RYK: variants seen among roughly 807,000 people sequenced by gnomAD.
RYK encodes inactive tyrosine-protein kinase RYK.
In RYK, 21 loss-of-function variants were observed where a neutral mutation model predicts 70.2. The ratio of observed to expected loss-of-function variants is 0.30; its 90% CI spans 0.21 to 0.43. The LOEUF (loss-of-function observed/expected upper bound fraction) is 0.43. Among genes scored for constraint, RYK ranks in the 20% least tolerant of loss-of-function variants. The pLI is 1.00. For missense variants in RYK, 604 were observed against 753.3 expected, an observed-to-expected ratio of 0.80 and a Z score of 2.32; for synonymous variants, 267 against 278.0, an observed-to-expected ratio of 0.96 and a Z score of 0.39.
chr3:134,218,835 C>CT (rs1553772975), intron 2 of RYK, among the ~76,000 whole-genome samples: 1 of 152,090 alleles, frequency 6.6e-6, no homozygotes, highest in Non-Finnish European at 1.5e-5. Context: ...AAGGCCCAAA[C>CT]TAAGTGTGAG....
At chr3:134,242,024 G>A (rs963586339) in intron 1 of RYK, among the ~76,000 whole-genome samples, 6 of 152,064 alleles carry the variant, frequency 3.9e-5, no homozygotes, top group Non-Finnish European at 8.8e-5. Context: ...GAATGAGGCC[G>A]GGCAAGGTGG....
chr3:134,211,852 G>A (rs887628714), intron 2 of RYK, among the ~76,000 whole-genome samples: 1 of 152,182 alleles, frequency 6.6e-6, no homozygotes. Flanking sequence ...CATAAAACCT[G>A]CCATCTAGGG....
chr3:134,221,196 C>CTTTTTTTTTT lies in RYK; in HGVS notation c.354+1212_354+1221dup, dbSNP rs71139519. Among the ~76,000 whole-genome samples, 60 of 78,588 alleles carry CTTTTTTTTTT rather than the reference C, an allele frequency of 7.6e-4. 6 individuals are homozygous for CTTTTTTTTTT. The highest frequency in any genetic ancestry group is 2.4e-3 in the African/African-American group (43 of 17,914). The allele number at this position is 78,588 out of a possible 152,430, so 51.6% of individuals were successfully genotyped here. Reference sequence around the variant, plus strand: ...CTACAAAGTCTTAACAGTTCTTTTTCTTTTTTTTTTTTTTTTTTTTTTTTT... The same window carrying CTTTTTTTTTT: ...CTACAAAGTCTTAACAGTTCTTTTTCTTTTTTTTTTTTTTTTTTTTTTTTTTTTTTTTTTT... On this transcript the variant is annotated intron_variant, in intron 2 of 14. Coordinates refer to ENST00000623711, the MANE Select transcript of RYK (RefSeq NM_002958.4).
intron 1 of RYK, among the ~76,000 whole-genome samples, chr3:134,236,679 G>A (rs556074471): frequency 1.3e-5 from 2 of 152,246 alleles, no homozygotes; most frequent in South Asian, 2.1e-4. Flanking sequence ...AGATCACCAC[G>A]AAGCTACTTT....
intron 13 of RYK, among the ~76,000 whole-genome samples, chr3:134,164,908 A>G (rs79010676): frequency 6.6e-6 from 1 of 152,204 alleles, no homozygotes; most frequent in Non-Finnish European, 1.5e-5. Context: ...GTATGGTCAG[A>G]CTTTTCAATT....
chr3:134,169,045 A>G (rs2012798043), intron 13 of RYK, among the ~76,000 whole-genome samples: 2 of 152,182 alleles, frequency 1.3e-5, no homozygotes, highest in Non-Finnish European at 2.9e-5. Context: ...GATAGTCACA[A>G]AATAAATAAT....
chr3:134,226,350 A>T (rs1356186103), intron 1 of RYK, among the ~76,000 whole-genome samples: 1 of 152,206 alleles, frequency 6.6e-6, no homozygotes, highest in African/African-American at 2.4e-5. Flanking sequence ...AAAAATTTCA[A>T]TTAAAAACCT....
intron 6 of RYK, among the ~76,000 whole-genome samples, chr3:134,201,529 G>GAGAGAC (rs779231178): frequency 3.3e-5 from 5 of 152,282 alleles, no homozygotes; most frequent in African/African-American, 1.2e-4. Context: ...ACGAGAGAGA[G>GAGAGAC]AGAGACAGAG....
intron 6 of RYK, among the ~76,000 whole-genome samples, chr3:134,202,174 T>C (rs932803037): frequency 2.0e-5 from 3 of 152,198 alleles, no homozygotes; most frequent in Non-Finnish European, 4.4e-5. Flanking sequence ...GGCTGTACAT[T>C]AGAATCATCC....
intron 8 of RYK, among the ~76,000 whole-genome samples, chr3:134,190,587 T>G (rs1046625498): frequency 6.6e-6 from 1 of 152,222 alleles, no homozygotes; most frequent in Non-Finnish European, 1.5e-5. Flanking sequence ...ACTATTGTTT[T>G]CTTTGCATTT....
At chr3:134,158,318 C>G in intron 14 of RYK, 54 bp from the exon 15 acceptor site, 5 of 1,192,754 alleles carry the variant, frequency 4.2e-6, no homozygotes, top group Non-Finnish European at 5.8e-6. Context: ...GTATTCATAA[C>G]TTTTGCTCAG....
chr3:134,163,336 T>G (rs2012545386), intron 13 of RYK, among the ~76,000 whole-genome samples: 2 of 152,218 alleles, frequency 1.3e-5, no homozygotes, highest in African/African-American at 4.8e-5. Context: ...CATTTAAAAT[T>G]TAGACAGACT....
intron 8 of RYK, among the ~76,000 whole-genome samples, chr3:134,191,252 G>A (rs1412002515): frequency 1.3e-5 from 2 of 152,322 alleles, no homozygotes; most frequent in Non-Finnish European, 1.5e-5. Flanking sequence ...AAGGCCCAGT[G>A]AGAGGTGAAG....
chr3:134,170,491 C>T (rs903316903), intron 13 of RYK: 3 of 152,760 alleles, frequency 2.0e-5, no homozygotes, highest in Non-Finnish European at 2.9e-5. Flanking sequence ...GTCAGGGTGG[C>T]TAAAAGCTAC....
At chr3:134,213,530 G>C (rs953661429) in intron 2 of RYK, among the ~76,000 whole-genome samples, 1 of 147,070 alleles carries the variant, frequency 6.8e-6, no homozygotes, top group Non-Finnish European at 1.5e-5. Context: ...GGTCTGTCAA[G>C]AACACTGTTG....
intron 1 of RYK, among the ~76,000 whole-genome samples, chr3:134,244,877 G>A (rs2015415672): frequency 6.6e-6 from 1 of 152,206 alleles, no homozygotes; most frequent in South Asian, 2.1e-4. Context: ...CAGTCCTCAT[G>A]AATGGGATTA....
intron 1 of RYK, among the ~76,000 whole-genome samples, chr3:134,248,831 T>G (rs2015536802): frequency 6.6e-6 from 1 of 152,068 alleles, no homozygotes; most frequent in Non-Finnish European, 1.5e-5. Flanking sequence ...TTGAGCAAGT[T>G]ACTTTAAAAC....
At chr3:134,200,729 T>C (rs868423053) in intron 6 of RYK, among the ~76,000 whole-genome samples, 2 of 152,164 alleles carry the variant, frequency 1.3e-5, no homozygotes, top group South Asian at 4.1e-4. Flanking sequence ...TATAACTTAA[T>C]CCATGTAGCC....
chr3:134,246,517 G>C (rs934304065), intron 1 of RYK, among the ~76,000 whole-genome samples: 6 of 151,830 alleles, frequency 4.0e-5, no homozygotes, highest in African/African-American at 1.5e-4. Flanking sequence ...ACTTCAGAAT[G>C]CCAGAGAAAA....
Sources: allele counts gnomAD v4.1 joint callset (sites outside exome capture counted in the v4.1 genomes callset), GRCh38; gene constraint gnomAD v4.1.1; transcripts MANE v1.5; gene names NCBI Gene and HGNC (gene_info 2026-07-23, HGNC 2026-07-21).